POT1: variants seen among roughly 807,000 people sequenced by gnomAD.
POT1 encodes the protein protection of telomeres protein 1.
POT1 carries 47 observed loss-of-function variants against 78.5 expected under a neutral mutation model. The observed-to-expected ratio is 0.60, with a 90% confidence interval of 0.47 to 0.76. The LOEUF (loss-of-function observed/expected upper bound fraction) is 0.76, where lower values mean the gene tolerates loss of function less well. Ranked by LOEUF, POT1 falls within the 30% of genes least tolerant of loss-of-function variation. POT1 has a pLI of 0.00. For synonymous variants in POT1, 259 were observed against 260.7 expected (o/e 0.99, Z 0.06); for missense variants, 646 against 749.9 (o/e 0.86, Z 1.62).
At chr7:124,871,114 T>G (rs1795858138) in intron 6 of POT1, 73 bp from the exon 7 acceptor site, 1 of 1,266,470 alleles carries the variant, frequency 7.9e-7, no homozygotes, top group Admixed American at 2.2e-5. Context: ...ATATGCTTAC[T>G]TCAAAACACC....
At chr7:124,874,508 G>A (rs1044423242) in intron 6 of POT1, among the ~76,000 whole-genome samples, 1 of 152,060 alleles carries the variant, frequency 6.6e-6, no homozygotes, top group African/African-American at 2.4e-5. Context: ...CCGAGTGGGT[G>A]GATCATTTGA....
chr7:124,827,674 A>G (rs942713894), intron 16 of POT1, among the ~76,000 whole-genome samples: 2 of 152,168 alleles, frequency 1.3e-5, no homozygotes, highest in Non-Finnish European at 2.9e-5. Context: ...ATATTTCACT[A>G]TACCTACATA....
At chr7:124,828,241 C>T (rs1794678364) in intron 16 of POT1, among the ~76,000 whole-genome samples, 1 of 151,802 alleles carries the variant, frequency 6.6e-6, no homozygotes, top group Non-Finnish European at 1.5e-5. Flanking sequence ...TAATTTATAA[C>T]TTTAAAAAAG....
chr7:124,822,895 A>C lies in POT1; in HGVS notation c.*1067T>G, dbSNP rs1283549874. The C allele has an allele frequency of 5.7e-6, 1 of 176,902 alleles. No individual in the cohort carries two copies. The highest frequency in any genetic ancestry group is 2.3e-5 in the African/African-American group (1 of 42,572). The allele number at this position is 176,902 out of a possible 1,614,324, so 11.0% of individuals were successfully genotyped here. A position where few individuals can be genotyped will look rare whatever the true frequency, so the allele number is the denominator to read the frequency against. On this transcript the variant is annotated 3_prime_UTR_variant, in exon 19 of 19. Transcript: ENST00000357628. Reference sequence around the variant, plus strand: ...AGAAAAACACACTGACTCCTCTTATAATCTATTTCCAATGTTATTTCAGAT... The same window carrying C: ...AGAAAAACACACTGACTCCTCTTATCATCTATTTCCAATGTTATTTCAGAT...
intron 3 of POT1, among the ~76,000 whole-genome samples, chr7:124,904,350 T>A (rs1796703645): frequency 6.6e-6 from 1 of 152,038 alleles, no homozygotes; most frequent in African/African-American, 2.4e-5. Context: ...CATACACAAA[T>A]CAATAAACGT....
intron 9 of POT1, chr7:124,858,723 T>A (rs1562990707): frequency 1.1e-5 from 3 of 285,566 alleles, no homozygotes; most frequent in African/African-American, 6.5e-5. Context: ...AGTAAAATTA[T>A]GTATACCTTT....
chr7:124,882,661 C>T (rs938981043), intron 6 of POT1, among the ~76,000 whole-genome samples: 1 of 150,996 alleles, frequency 6.6e-6, no homozygotes, highest in African/African-American at 2.4e-5. Context: ...AGTCTTTTAA[C>T]TGAATGAGTA....
At chr7:124,905,022 C>T (rs558429541) in intron 3 of POT1, among the ~76,000 whole-genome samples, 2 of 152,276 alleles carry the variant, frequency 1.3e-5, no homozygotes, top group Admixed American at 6.5e-5. Context: ...GAACATTCCA[C>T]GCTCATGGAT....
chr7:124,868,805 T>C (rs1282603816), intron 7 of POT1, among the ~76,000 whole-genome samples: 2 of 150,676 alleles, frequency 1.3e-5, no homozygotes, highest in South Asian at 2.1e-4. Context: ...TAATTCAATA[T>C]ATATTCAATG....
At chr7:124,826,323 A>C (rs1044567584) in intron 17 of POT1, among the ~76,000 whole-genome samples, 2 of 152,164 alleles carry the variant, frequency 1.3e-5, no homozygotes, top group African/African-American at 2.4e-5. Context: ...TCTGTCCTAT[A>C]CATCTCTTTC....
At chr7:124,877,657 C>T (rs1438510845) in intron 6 of POT1, among the ~76,000 whole-genome samples, 2 of 151,436 alleles carry the variant, frequency 1.3e-5, no homozygotes, top group African/African-American at 4.9e-5. Context: ...ACAGTGAAAC[C>T]CCATCTCTAC....
chr7:124,901,331 C>T (rs916293624), intron 3 of POT1, among the ~76,000 whole-genome samples: 1 of 152,180 alleles, frequency 6.6e-6, no homozygotes, highest in African/African-American at 2.4e-5. Context: ...GCAACATTTG[C>T]TGTTCTGCAA....
At chr7:124,922,499 A>T (rs1021706441) in intron 2 of POT1, among the ~76,000 whole-genome samples, 2 of 152,010 alleles carry the variant, frequency 1.3e-5, no homozygotes, top group African/African-American at 4.8e-5. Context: ...CACTATTATA[A>T]GATTCTTATA....
intron 11 of POT1, among the ~76,000 whole-genome samples, chr7:124,850,577 A>T (rs1228704760): frequency 6.6e-6 from 1 of 151,948 alleles, no homozygotes; most frequent in Non-Finnish European, 1.5e-5. Context: ...AATATATATA[A>T]AAAAATTAGC....
chr7:124,905,429 T>G (rs959434060), intron 3 of POT1, among the ~76,000 whole-genome samples: 8 of 152,268 alleles, frequency 5.3e-5, no homozygotes, highest in African/African-American at 1.9e-4. Context: ...GCTAGCCATG[T>G]GTAGAAAGCA....
intron 3 of POT1, among the ~76,000 whole-genome samples, chr7:124,914,414 C>T (rs1166314360): frequency 6.6e-6 from 1 of 152,034 alleles, no homozygotes; most frequent in Non-Finnish European, 1.5e-5. Flanking sequence ...GAATCTGCAG[C>T]TCATTTTAGG....
In POT1 at chr7:124,827,298, A is replaced by T; in HGVS notation, c.1602T>A (p.Gly534=). 6.4e-7 allele frequency: 1 copy of T among 1,574,422 alleles called. No homozygotes were observed. The highest frequency in any genetic ancestry group is 8.7e-7 in the Non-Finnish European group (1 of 1,151,656). ...WIPSSVAEAL[G]IVPLQYVFVM... Reference sequence around the variant, plus strand: ...CAAACACATATTGGAGGGGTACAATACCCAGTGCTAGTGAAGGAAAAAAAG... The same window carrying T: ...CAAACACATATTGGAGGGGTACAATTCCCAGTGCTAGTGAAGGAAAAAAAG... Residue 534 remains glycine (G), a synonymous_variant, in exon 17 of 19, where the codon GGT becomes GGA. Coordinates refer to ENST00000357628, the MANE Select transcript of POT1 (RefSeq NM_015450.3).
At chr7:124,857,071 T>C (rs1221972452) in intron 9 of POT1, among the ~76,000 whole-genome samples, 2 of 152,328 alleles carry the variant, frequency 1.3e-5, no homozygotes, top group East Asian at 3.9e-4. Context: ...ATTACTATTT[T>C]TTCTGTAACC....
rs2116461086 is a variant in POT1 at position 124,840,992 on chromosome 7, T to C, written c.1350A>G (p.Glu450=). Residue 450 remains glutamate (E), a synonymous_variant, in exon 14 of 19, where the codon GAA becomes GAG. Transcript: ENST00000357628. The stretch of plus-strand genomic sequence containing the variant: ...TCTTACCTTCTATCAAAAGTAGACA[T>C]TCATTTGAAAGCGGGAGAATACCAT... ...KNNGILPLSN[E]CLLLIEGGTL... 6.2e-7 allele frequency: 1 copy of C among 1,606,632 alleles called. No homozygotes were observed.
Sources: gnomAD v4.1 joint callset for allele counts (sites outside exome capture counted in the v4.1 genomes callset) on GRCh38, gnomAD v4.1.1 for gene constraint, MANE v1.5 for transcripts, NCBI Gene and HGNC (gene_info 2026-07-23, HGNC 2026-07-21) for gene names.